RANBP2: variants seen among roughly 807,000 people sequenced by gnomAD.
RANBP2 encodes E3 SUMO-protein ligase RanBP2.
Under a neutral mutation model 303.6 loss-of-function variants are expected in RANBP2, and 57 were observed. The observed-to-expected ratio is 0.19, with a 90% CI of 0.15 to 0.23. The LOEUF (loss-of-function observed/expected upper bound fraction) is 0.23. Ranked by LOEUF, RANBP2 falls within the 10% of genes least tolerant of loss-of-function variation. RANBP2 has a pLI of 1.00. For missense variants in RANBP2, 3,138 were observed against 3,780.8 expected, an observed-to-expected ratio of 0.83 and a Z score of 4.46; for synonymous variants, 1,167 against 1,301.5, an observed-to-expected ratio of 0.90 and a Z score of 2.23.
At chr2:109,270,109 T>A in the RANBP2 span, among the ~76,000 whole-genome samples, 1 of 152,238 alleles carries the variant, frequency 6.6e-6, no homozygotes, top group Non-Finnish European at 1.5e-5. Flanking sequence ...CCCTCTTCTC[T>A]ACCCAACCAC....
chr2:108,916,473 A>C, the RANBP2 span, among the ~76,000 whole-genome samples: 1 of 152,110 alleles, frequency 6.6e-6, no homozygotes, highest in African/African-American at 2.4e-5. Context: ...TGACGTCCCC[A>C]AACAATGCCT....
At chr2:109,084,575 C>T in the RANBP2 span, among the ~76,000 whole-genome samples, 1 of 152,174 alleles carries the variant, frequency 6.6e-6, no homozygotes, top group Non-Finnish European at 1.5e-5. Context: ...CTGTAGGATA[C>T]TAGAGTGTAG....
chr2:109,310,768 T>TA, the RANBP2 span, among the ~76,000 whole-genome samples: 1 of 94,552 alleles, frequency 1.1e-5, no homozygotes, highest in Non-Finnish European at 1.9e-5. Context: ...CCTCAACACA[T>TA]ACACTCTCCC....
the RANBP2 span, among the ~76,000 whole-genome samples, chr2:109,778,309 T>C: frequency 5.1e-4 from 72 of 140,236 alleles, 1 homozygote; most frequent in African/African-American, 1.9e-3. Context: ...ATGCAGATAA[T>C]GTGTGTCTTG....
chr2:108,782,474 T>C lies in RANBP2; in HGVS notation c.9035-54T>C, dbSNP rs1678322600. The stretch of plus-strand genomic sequence containing the variant: ...AAAATCTATAACAAACAAAACAACT[T>C]ATAACAGTTATTTTAATACTAAGGT... On this transcript the variant is annotated intron_variant, in intron 27 of 28. Coordinates refer to ENST00000283195, the MANE Select transcript of RANBP2 (RefSeq NM_006267.5). 3 of 1,612,892 alleles carry C rather than the reference T, an allele frequency of 1.9e-6. No individual in the cohort carries two copies. In the African/African-American group the frequency reaches 4.0e-5, roughly 22 times the overall value.
chr2:109,251,570 C>T, the RANBP2 span: 1 of 833,904 alleles, frequency 1.2e-6, no homozygotes. Flanking sequence ...GAGATGGCGA[C>T]TGGTGGGCAA....
chr2:109,082,825 CTTTTT>C, the RANBP2 span, among the ~76,000 whole-genome samples: 1 of 123,792 alleles, frequency 8.1e-6, no homozygotes, highest in Admixed American at 8.6e-5. Flanking sequence ...GACCCCATGT[CTTTTT>C]TTTTTTTTTT....
At chr2:109,440,937 C>T in the RANBP2 span, among the ~76,000 whole-genome samples, 3 of 152,122 alleles carry the variant, frequency 2.0e-5, no homozygotes, top group African/African-American at 7.2e-5. Flanking sequence ...TGCCTGTTCC[C>T]ACCAGCCAGA....
the RANBP2 span, among the ~76,000 whole-genome samples, chr2:109,005,774 T>G: frequency 1.3e-5 from 2 of 152,210 alleles, no homozygotes; most frequent in Non-Finnish European, 2.9e-5. Context: ...TTGCTTACCC[T>G]TCCATGCTCT....
the RANBP2 span, among the ~76,000 whole-genome samples, chr2:108,955,384 C>A: frequency 6.6e-6 from 1 of 152,198 alleles, no homozygotes; most frequent in Non-Finnish European, 1.5e-5. Flanking sequence ...GAAATAAAAT[C>A]ATAACCCATT....
At chr2:109,592,941 TACAA>T in the RANBP2 span, 1 of 596,354 alleles carries the variant, frequency 1.7e-6, no homozygotes, top group Non-Finnish European at 2.7e-6. Context: ...TGGAGGTAAG[TACAA>T]ACAGAAGTCT....
At chr2:109,325,311 A>ATTTC in the RANBP2 span, among the ~76,000 whole-genome samples, 425 of 119,266 alleles carry the variant, frequency 3.6e-3, 10 homozygotes, top group East Asian at 0.032. Flanking sequence ...CTGCCATTTA[A>ATTTC]TTTCTTTCTT....
chr2:109,449,238 T>G, the RANBP2 span: 2 of 1,612,620 alleles, frequency 1.2e-6, no homozygotes, highest in Non-Finnish European at 1.7e-6. Context: ...CACCCAGAAC[T>G]CTCCATCCCG....
At chr2:109,286,901 G>A in the RANBP2 span, among the ~76,000 whole-genome samples, 1 of 152,200 alleles carries the variant, frequency 6.6e-6, no homozygotes, top group Admixed American at 6.5e-5. Context: ...AGCAGTCAAT[G>A]CTGTGAGTCT....
chr2:109,481,454 C>T, the RANBP2 span, among the ~76,000 whole-genome samples: 4 of 152,324 alleles, frequency 2.6e-5, no homozygotes, highest in South Asian at 2.1e-4. Context: ...GGTATGTTCT[C>T]GGTGACTGGT....
At chr2:109,323,161 C>A in the RANBP2 span, among the ~76,000 whole-genome samples, 1 of 152,138 alleles carries the variant, frequency 6.6e-6, no homozygotes, top group Non-Finnish European at 1.5e-5. Flanking sequence ...AGAGACAATG[C>A]AATGGGTGGG....
At chr2:109,616,209 T>G in the RANBP2 span, 1 of 1,292,012 alleles carries the variant, frequency 7.7e-7, no homozygotes, top group Non-Finnish European at 1.0e-6. Context: ...CGGAGTTCTC[T>G]TCAGGCTAGC....
At chr2:109,064,003 T>C in the RANBP2 span, among the ~76,000 whole-genome samples, 2 of 152,034 alleles carry the variant, frequency 1.3e-5, no homozygotes, top group African/African-American at 2.4e-5. Flanking sequence ...TTCATGTGAG[T>C]GGGTTGGATT....
chr2:108,872,345 A>G, the RANBP2 span, among the ~76,000 whole-genome samples: 1 of 152,086 alleles, frequency 6.6e-6, no homozygotes, highest in Non-Finnish European at 1.5e-5. Context: ...TTCCACCACC[A>G]CATACACATA....
Sources: gnomAD v4.1 joint callset for allele counts (sites outside exome capture counted in the v4.1 genomes callset) on GRCh38, gnomAD v4.1.1 for gene constraint, MANE v1.5 for transcripts, NCBI Gene and HGNC (gene_info 2026-07-23, HGNC 2026-07-21) for gene names.